Variants in CACNA1C observed in about 807,000 individuals in gnomAD.
The protein encoded by CACNA1C is calcium voltage-gated channel subunit alpha1 C, also known as voltage-dependent L-type calcium channel subunit alpha-1C.
In CACNA1C, 30 loss-of-function variants were observed where a neutral mutation model predicts 229.0. The ratio of observed to expected loss-of-function variants is 0.13; its 90% CI spans 0.10 to 0.18. The LOEUF (loss-of-function observed/expected upper bound fraction) is 0.18, where lower values mean the gene tolerates loss of function less well. Ranked by LOEUF, CACNA1C falls within the 10% of genes least tolerant of loss-of-function variation. The probability of loss-of-function intolerance (pLI) is 1.00; values close to 1 mark genes in which losing one functional copy is unlikely to be tolerated. For synonymous variants in CACNA1C, 1,114 were observed against 1,132.5 expected, an observed-to-expected ratio of 0.98 and a Z score of 0.33; for missense variants, 1,658 against 2,845.0, an observed-to-expected ratio of 0.58 and a Z score of 9.49.
rs374925394 is a variant in CACNA1C at position 2,319,140 on chromosome 12, C to T, written c.478-129836C>T. On this transcript the variant is annotated intron_variant, in intron 3 of 46. Transcript: ENST00000399655. The surrounding 1 kb of genome is among the most constrained non-coding windows in gnomAD (Gnocchi z 4.0). ...CTCCTTTTCCTACCCCATCACCTAC[C>T]TGTCACCTGTCCTGGGCAGGCAGGG... is the stretch of plus-strand genomic sequence containing the variant. Among the ~76,000 whole-genome samples, 7 of 152,198 alleles carry T rather than the reference C, an allele frequency of 4.6e-5. No homozygotes were observed. The South Asian group carries it at 1.5e-3, about 32-fold the overall frequency.
intron 3 of CACNA1C, among the ~76,000 whole-genome samples, chr12:2,335,667 C>T (rs566061857): frequency 1.0e-3 from 159 of 152,120 alleles, no homozygotes; most frequent in Non-Finnish European, 1.7e-3. Context: ...GGTGAGGGAC[C>T]GGCCCTCCCT....
In CACNA1C at chr12:2,597,183, T is replaced by G. The variant is rs765084234; in HGVS notation, c.2794-47T>G. ...CTGACCTCTCTTCCCGTCCTGCTTT[T>G]CTCCCTTCCCCATCCCATCCCCACC... is the stretch of plus-strand genomic sequence containing the variant. On this transcript the variant is annotated intron_variant, in intron 20 of 46. Transcript: ENST00000399655. The surrounding 1 kb of genome is among the most constrained non-coding windows in gnomAD (Gnocchi z 4.3). 1 of 1,254,568 alleles carries G rather than the reference T, an allele frequency of 8.0e-7. No homozygotes were observed. Among genetic ancestry groups the G allele is most frequent in the Admixed American group, 1.7e-5 (1 of 58,112 alleles). The allele number at this position is 1,254,568 out of a possible 1,614,324, so 77.7% of individuals were successfully genotyped here.
rs528417035 is a variant in CACNA1C, at chr12:2,270,354, G to A, written c.477+149924G>A. Among the ~76,000 whole-genome samples, 8 of 152,226 alleles carry A rather than the reference G, an allele frequency of 5.3e-5. No individual in the cohort carries two copies. The South Asian group carries it at 1.5e-3, about 28-fold the overall frequency. On this transcript the variant is annotated intron_variant, in intron 3 of 46. Coordinates refer to ENST00000399655, the MANE Select transcript of CACNA1C (RefSeq NM_000719.7). ...CTCTGTGAAATGTCAGCTTTTTGAG[G>A]GCAGGGCCTGATTCTTTTATGAGCA...
intron 1 of CACNA1C, among the ~76,000 whole-genome samples, chr12:2,073,378 C>T (rs2062050758): frequency 6.6e-6 from 1 of 152,220 alleles, no homozygotes; most frequent in Admixed American, 6.5e-5. Context: ...CCTCAGGGAT[C>T]TAGGGCTTCT....
intron 1 of CACNA1C, among the ~76,000 whole-genome samples, chr12:2,043,067 T>C (rs1301994970): frequency 6.6e-6 from 1 of 152,226 alleles, no homozygotes; most frequent in Non-Finnish European, 1.5e-5. Flanking sequence ...CAAATAGAAC[T>C]ATTATGTGCT....
rs1385907421 is a variant in CACNA1C at position 2,354,290 on chromosome 12, G to A, written c.478-94686G>A. On this transcript the variant is annotated intron_variant, in intron 3 of 46. Transcript: ENST00000399655. This position sits in a 1 kb window ranked among gnomAD's most constrained non-coding sequence, Gnocchi z 4.6. ...AAGCCTGTCACAGAAGCCCTGCAGA[G>A]CAGGAAACACAGAGCAGAAAGCCAC... Among the ~76,000 whole-genome samples, 2 of 152,208 alleles carry A rather than the reference G, an allele frequency of 1.3e-5. No individual in the cohort carries two copies. The highest frequency in any genetic ancestry group is 2.9e-5 in the Non-Finnish European group (2 of 68,054).
At chr12:2,432,132 A>C (rs2099091919) in intron 3 of CACNA1C, among the ~76,000 whole-genome samples, 1 of 152,232 alleles carries the variant, frequency 6.6e-6, no homozygotes, top group Non-Finnish European at 1.5e-5. Context: ...AAAAAAGCCA[A>C]AATTATGACA....
chr12:2,059,752 G>C (rs1270599482), intron 1 of CACNA1C, among the ~76,000 whole-genome samples: 4 of 152,130 alleles, frequency 2.6e-5, no homozygotes, highest in African/African-American at 9.7e-5. Flanking sequence ...TTCCAGTTGA[G>C]AAAACAGAGG....
At chr12:2,599,163 G>T (rs530036203) in intron 21 of CACNA1C, among the ~76,000 whole-genome samples, 1 of 152,180 alleles carries the variant, frequency 6.6e-6, no homozygotes, top group South Asian at 2.1e-4. Flanking sequence ...GAAGTGAAAG[G>T]TCTCTTTGCA....
At position 2,266,371 on chromosome 12, in the gene CACNA1C, G is replaced by A. The variant is rs143743086; in HGVS notation, c.477+145941G>A. Among the ~76,000 whole-genome samples the A allele has an allele frequency of 2.0e-5, 3 of 152,318 alleles. No homozygotes were observed. The East Asian group carries it at 5.8e-4, about 29-fold the overall frequency. ...AATTAAGCTGAGCATATTGACCTGGGGGTTGCAGGGCCTTGGGCATGCTGC... is the reference window on the plus strand; with the variant it reads ...AATTAAGCTGAGCATATTGACCTGGAGGTTGCAGGGCCTTGGGCATGCTGC... On this transcript the variant is annotated intron_variant, in intron 3 of 46. Coordinates refer to ENST00000399655, the MANE Select transcript of CACNA1C (RefSeq NM_000719.7).
rs1405124059 is a variant in CACNA1C, at chr12:2,695,049, G to A, written c.*3850G>A. 2 of 152,184 alleles carry A rather than the reference G, an allele frequency of 1.3e-5. No individual in the cohort carries two copies. The highest frequency in any genetic ancestry group is 1.5e-5 in the Non-Finnish European group (1 of 68,044). The allele number at this position is 152,184 out of a possible 1,614,324, so 9.4% of individuals were successfully genotyped here. ...ATTCAGCAAAGAGGCCACAAAAAGG[G>A]CCTGCTGACTCCCAGAAGACCTCTT... is the stretch of plus-strand genomic sequence containing the variant. On this transcript the variant is annotated 3_prime_UTR_variant, in exon 47 of 47. Coordinates refer to ENST00000399655, the MANE Select transcript of CACNA1C (RefSeq NM_000719.7).
chr12:2,604,624 T>C (rs1408102005), intron 22 of CACNA1C, among the ~76,000 whole-genome samples: 1 of 152,208 alleles, frequency 6.6e-6, no homozygotes, highest in Non-Finnish European at 1.5e-5. Flanking sequence ...AATTCTTATT[T>C]AACCCTTGCA....
At chr12:2,201,964 A>G (rs2097587865) in intron 3 of CACNA1C, among the ~76,000 whole-genome samples, 1 of 152,240 alleles carries the variant, frequency 6.6e-6, no homozygotes, top group South Asian at 2.1e-4. Flanking sequence ...CTGGGTAGGC[A>G]ACGATTCCAA....
rs2076295735 is a variant in CACNA1C, at chr12:2,608,502, C to T, written c.3357-9C>T. 2 of 1,598,514 alleles carry T rather than the reference C, an allele frequency of 1.3e-6. No homozygotes were observed. Among genetic ancestry groups the T allele is most frequent in the African/African-American group, 2.7e-5 (2 of 74,648 alleles). On this transcript the variant is annotated splice_polypyrimidine_tract_variant and intron_variant, in intron 26 of 46. Coordinates refer to ENST00000399655, the MANE Select transcript of CACNA1C (RefSeq NM_000719.7). This position sits in a 1 kb window ranked among gnomAD's most constrained non-coding sequence, Gnocchi z 4.2. ...CAGTTCCCTCTGTGGGACCTGTCTC[C>T]TCCTGCAGGCTGCTGTACCGCTCCA... is the stretch of plus-strand genomic sequence containing the variant.
intron 8 of CACNA1C, among the ~76,000 whole-genome samples, chr12:2,507,958 G>A (rs1012064136): frequency 6.6e-6 from 1 of 152,222 alleles, no homozygotes; most frequent in Non-Finnish European, 1.5e-5. Context: ...TGAGAGGAGC[G>A]AGCAGGCAGG....
At chr12:2,428,708 T>C (rs1407115737) in intron 3 of CACNA1C, among the ~76,000 whole-genome samples, 2 of 152,202 alleles carry the variant, frequency 1.3e-5, no homozygotes, top group African/African-American at 4.8e-5. Flanking sequence ...TCCTCCTGGT[T>C]GGCTGGACAT....
Position 2,029,048 on chromosome 12 carries a change from C to T in CACNA1C, c.139+57847C>T, listed in dbSNP as rs987816208. Reference sequence around the variant, plus strand: ...CCAGAGGTAGGAGGAGTAATAGGATCATAGACCATTTGGACTGGAGGCATG... The same window carrying T: ...CCAGAGGTAGGAGGAGTAATAGGATTATAGACCATTTGGACTGGAGGCATG... On this transcript the variant is annotated intron_variant, in intron 1 of 46. Transcript: ENST00000682462. This position sits in a 1 kb window ranked among gnomAD's most constrained non-coding sequence, Gnocchi z 4.9. 7.9e-5 allele frequency among the ~76,000 whole-genome samples: 12 copies of T among 152,104 alleles called. No individual in the cohort carries two copies. The highest frequency in any genetic ancestry group is 2.7e-4 in the African/African-American group (11 of 41,418).
At chr12:2,227,214 T>C (rs2063271205) in intron 3 of CACNA1C, among the ~76,000 whole-genome samples, 1 of 152,230 alleles carries the variant, frequency 6.6e-6, no homozygotes, top group Admixed American at 6.5e-5. Context: ...GGACCAACTT[T>C]CTGGAAAAAT....
At chr12:1,995,379 T>C (rs941207039) in intron 1 of CACNA1C, among the ~76,000 whole-genome samples, 2 of 152,268 alleles carry the variant, frequency 1.3e-5, no homozygotes, top group Admixed American at 6.5e-5. Flanking sequence ...TGGCTTTTGT[T>C]GTAAACTTCA....
Sources: allele counts gnomAD v4.1 joint callset (sites outside exome capture counted in the v4.1 genomes callset), GRCh38; gene constraint gnomAD v4.1.1; non-coding constraint Gnocchi (gnomAD v3.1); transcripts MANE v1.5; gene names NCBI Gene and HGNC (gene_info 2026-07-23, HGNC 2026-07-21).